UNC79: variants seen among roughly 807,000 people sequenced by gnomAD.
UNC79 encodes the protein unc-79 subunit of NALCN channel complex.
Under a neutral mutation model 283.1 loss-of-function variants are expected in UNC79, and 37 were observed. The ratio of observed to expected loss-of-function variants is 0.13; its 90% CI spans 0.10 to 0.17. The LOEUF is 0.17. Ranked by LOEUF, UNC79 falls within the 10% of genes least tolerant of loss-of-function variation. The pLI, the probability that UNC79 is intolerant of heterozygous loss-of-function variation, is 1.00. For missense variants in UNC79, 2,272 were observed against 3,211.1 expected, an observed-to-expected ratio of 0.71 and a Z score of 7.07; for synonymous variants, 1,107 against 1,200.2, an observed-to-expected ratio of 0.92 and a Z score of 1.61.
chr14:93,360,755 T>C (rs918126184), intron 1 of UNC79, among the ~76,000 whole-genome samples: 3 of 152,230 alleles, frequency 2.0e-5, no homozygotes, highest in African/African-American at 7.2e-5. Context: ...GTAAACACAC[T>C]GGACTTATTG....
At chr14:93,380,141 C>G (rs2054637750) in intron 1 of UNC79, among the ~76,000 whole-genome samples, 1 of 152,116 alleles carries the variant, frequency 6.6e-6, no homozygotes, top group African/African-American at 2.4e-5. Context: ...ATTTGCTCTC[C>G]TTATTGGTGG....
chr14:93,652,656 A>G (rs2070417445), intron 35 of UNC79, among the ~76,000 whole-genome samples: 1 of 152,320 alleles, frequency 6.6e-6, no homozygotes, highest in East Asian at 1.9e-4. Flanking sequence ...TTCTTAATAT[A>G]TTGAATTATA....
chr14:93,361,211 CAAAAAAAAAAA>C (rs58267219), intron 1 of UNC79, among the ~76,000 whole-genome samples: 10 of 54,362 alleles, frequency 1.8e-4, no homozygotes, highest in East Asian at 7.9e-4. Context: ...GACTCTGTCT[CAAAAAAAAAAA>C]AAAAAAAAAA....
intron 1 of UNC79, among the ~76,000 whole-genome samples, chr14:93,411,697 G>A (rs1043634604): frequency 6.6e-6 from 1 of 152,232 alleles, no homozygotes; most frequent in Non-Finnish European, 1.5e-5. Flanking sequence ...AATCAAGGTG[G>A]TACCTGTATG....
At chr14:93,431,856 C>T (rs1439700130) in intron 1 of UNC79, among the ~76,000 whole-genome samples, 2 of 152,112 alleles carry the variant, frequency 1.3e-5, no homozygotes, top group African/African-American at 4.8e-5. Context: ...TATTGCAGTG[C>T]GCACTAGTAG....
At chr14:93,673,433 C>G in exon 41 of UNC79, 2 of 1,613,148 alleles carry the variant, frequency 1.2e-6, no homozygotes, top group Non-Finnish European at 1.7e-6. Context: ...TTACCAGATA[C>G]AAACCTTCTT....
intron 1 of UNC79, among the ~76,000 whole-genome samples, chr14:93,369,797 C>T (rs947042404): frequency 6.6e-6 from 1 of 152,184 alleles, no homozygotes; most frequent in African/African-American, 2.4e-5. Flanking sequence ...CTGTTCTTAA[C>T]AAGGCCTGCC....
At chr14:93,529,585 C>A (rs1016603621) in intron 10 of UNC79, among the ~76,000 whole-genome samples, 2 of 152,128 alleles carry the variant, frequency 1.3e-5, no homozygotes, top group African/African-American at 2.4e-5. Context: ...TAAAGCCCTG[C>A]CAAATTATGT....
At chr14:93,372,293 TTACA>T (rs2054468567) in intron 1 of UNC79, among the ~76,000 whole-genome samples, 1 of 152,230 alleles carries the variant, frequency 6.6e-6, no homozygotes, top group African/African-American at 2.4e-5. Flanking sequence ...TGTGATTATA[TTACA>T]TACAGTAACA....
chr14:93,455,331 T>C (rs2056765347), intron 1 of UNC79, among the ~76,000 whole-genome samples: 1 of 152,240 alleles, frequency 6.6e-6, no homozygotes, highest in South Asian at 2.1e-4. Context: ...AAACAGTGCA[T>C]TGTTGCCTTG....
At chr14:93,590,224 CA>C (rs2064557833) in intron 22 of UNC79, among the ~76,000 whole-genome samples, 1 of 152,136 alleles carries the variant, frequency 6.6e-6, no homozygotes, top group Non-Finnish European at 1.5e-5. Flanking sequence ...GTTCTGATTG[CA>C]CATGAATTTT....
chr14:93,346,580 TATC>T (rs973621214), intron 1 of UNC79, among the ~76,000 whole-genome samples: 1 of 152,378 alleles, frequency 6.6e-6, no homozygotes. Flanking sequence ...ATATTTTTTA[TATC>T]ATCAGCCGAC....
intron 26 of UNC79, 71 bp downstream of exon 27, chr14:93,605,032 G>A: frequency 1.4e-6 from 2 of 1,470,950 alleles, no homozygotes; most frequent in Non-Finnish European, 1.8e-6. Flanking sequence ...AGAATGCGGT[G>A]TCTCTAACTG....
intron 1 of UNC79, among the ~76,000 whole-genome samples, chr14:93,383,301 T>A (rs1326967238): frequency 6.6e-6 from 1 of 152,158 alleles, no homozygotes; most frequent in Non-Finnish European, 1.5e-5. Flanking sequence ...GAGCTGGGGT[T>A]GTTGAAGAAA....
intron 1 of UNC79, among the ~76,000 whole-genome samples, chr14:93,399,182 G>GC (rs2055056591): frequency 6.6e-6 from 1 of 152,004 alleles, no homozygotes; most frequent in Admixed American, 6.6e-5. Context: ...GAGGAAGACT[G>GC]CCCCCATGAC....
intron 1 of UNC79, among the ~76,000 whole-genome samples, chr14:93,335,270 T>C (rs1048478248): frequency 2.0e-5 from 3 of 152,260 alleles, no homozygotes; most frequent in South Asian, 2.1e-4. Context: ...TGTTTCCTTA[T>C]TATACCATTT....
intron 7 of UNC79, among the ~76,000 whole-genome samples, chr14:93,512,866 C>A (rs2059891709): frequency 2.0e-5 from 3 of 152,022 alleles, no homozygotes. Context: ...TCATTTGCTT[C>A]TTTTCACTCT....
chr14:93,497,743 T>G (rs548237792), intron 7 of UNC79, among the ~76,000 whole-genome samples: 1 of 152,266 alleles, frequency 6.6e-6, no homozygotes, highest in Admixed American at 6.5e-5. Context: ...ATACTAGCAC[T>G]TTGGGAGGCC....
intron 19 of UNC79, among the ~76,000 whole-genome samples, chr14:93,581,851 T>A (rs576956097): frequency 1.3e-5 from 2 of 152,294 alleles, no homozygotes; most frequent in East Asian, 3.9e-4. Flanking sequence ...CAAGTCCTGT[T>A]ATTGAATAAA....
Sources: allele counts gnomAD v4.1 joint callset (sites outside exome capture counted in the v4.1 genomes callset), GRCh38; gene constraint gnomAD v4.1.1; transcripts MANE v1.5; gene names NCBI Gene and HGNC (gene_info 2026-07-23, HGNC 2026-07-21).